Variants in TEX13B observed in about 807,000 individuals in gnomAD.
TEX13B encodes the protein testis expressed 13B, also known as testis-expressed protein 13B.
Under a neutral mutation model 11.2 loss-of-function variants are expected in TEX13B, and 5 were observed. That is an observed-to-expected ratio of 0.44 (90% confidence interval 0.23 to 0.93). The LOEUF (loss-of-function observed/expected upper bound fraction) is 0.93, where lower values mean the gene tolerates loss of function less well. TEX13B is among the 40% of genes least tolerant of loss of function. The probability of loss-of-function intolerance (pLI) is 0.23; values close to 1 mark genes in which losing one functional copy is unlikely to be tolerated. For missense variants in TEX13B, 213 were observed against 244.2 expected (o/e 0.87, Z 0.85); for synonymous variants, 115 against 100.9 (o/e 1.14, Z -0.84).
At chrX:107,981,609 G>A (rs761745351) in intron 2 of TEX13B, 50 bp from the exon 3 acceptor site, 1 of 1,195,873 alleles carries the variant, frequency 8.4e-7, no homozygotes, top group Admixed American at 2.2e-5. Context: ...CAGGGCAGGG[G>A]GTCCGGACAG....
chrX:107,981,437 A>G lies in TEX13B; in HGVS notation c.582T>C (p.Ala194=), dbSNP rs1260363856. The change falls in exon 3 of 3, where the codon GCT becomes GCC. Residue 194 remains alanine (A), a synonymous_variant. Transcript: ENST00000302917. ...QEKEAVAAAG[A]AGGKGEERYA... is the part of the protein sequence containing the mutation. ...ACCTCTCCTCTCCTTTTCCTCCAGC[A>G]GCACCAGCAGCAGCCACCGCCTCCT... The G allele has an allele frequency of 8.3e-7, 1 of 1,211,692 alleles. No individual in the cohort carries two copies. Among genetic ancestry groups the G allele is most frequent in the Non-Finnish European group, 1.1e-6 (1 of 895,495 alleles).
chrX:107,980,958 AGTTC>A lies in TEX13B; in HGVS notation c.*118_*121del, dbSNP rs1481947510. On this transcript the variant is annotated 3_prime_UTR_variant, in exon 3 of 3. Transcript: ENST00000302917. ...ACAGCTTTACACCACGGGCAGTCCC[AGTTC>A]CCTGGCCTGCGATATACTGGAGGTC... 1.9e-6 allele frequency: 2 copies of A among 1,046,815 alleles called. No individual in the cohort carries two copies. The highest frequency in any genetic ancestry group is 1.3e-6 in the Non-Finnish European group (1 of 749,633). The allele number at this position is 1,046,815 out of a possible 1,213,427, so 86.3% of individuals were successfully genotyped here. A position where few individuals can be genotyped will look rare whatever the true frequency, so the allele number is the denominator to read the frequency against.
Position 107,981,750 on chromosome X carries a change from G to A in TEX13B, c.378C>T (p.Thr126=), listed in dbSNP as rs1170448015. 8.3e-7 allele frequency: 1 copy of A among 1,211,735 alleles called. No homozygotes were observed. Among genetic ancestry groups the A allele is most frequent in the East Asian group, 3.0e-5 (1 of 33,845 alleles). ...TGGTCTCGGTTAGCTGCAACTGGAA[G>A]GTCGCCTCATTGCATTCCATCTCCT... ...EQQEMECNEA[T]FQLQLTETSL... The change falls in exon 2 of 3, where the codon ACC becomes ACT. Residue 126 remains threonine (T), a synonymous_variant. Coordinates refer to ENST00000302917, the MANE Select transcript of TEX13B (RefSeq NM_031273.2).
rs1178497919 is a variant in TEX13B, at chrX:107,981,353, C to T, written c.666G>A (p.Arg222=). 1 of 1,211,864 alleles carries T rather than the reference C, an allele frequency of 8.3e-7. No homozygotes were observed. The highest frequency in any genetic ancestry group is 2.2e-5 in the Admixed American group (1 of 46,099). The change falls in exon 3 of 3, where the codon AGG becomes AGA. Residue 222 remains arginine, a synonymous_variant. Transcript: ENST00000302917. ...EVLQGLGGGF[R]QPLGAIVAGK... ...CTGCTACAATAGCTCCGAGGGGCTG[C>T]CTGAAGCCTCCTCCCAGCCCCTGCA... is the stretch of plus-strand genomic sequence containing the variant.
At position 107,982,085 on chromosome X, in the gene TEX13B, C is replaced by G; in HGVS notation, c.43G>C (p.Gly15Arg). 2 of 1,207,942 alleles carry G rather than the reference C, an allele frequency of 1.7e-6. No individual in the cohort carries two copies. The highest frequency in any genetic ancestry group is 5.9e-5 in the East Asian group (2 of 33,771). ...TCGATGATGAAGGCCACCACGTTTC[C>G]GTGCCGGAACCCACTACTGGGGTCC... ...PEDPSSGFRH[G>R]NVVAFIIEKM... Residue 15 changes from glycine (G) to arginine (R), a missense_variant, in exon 2 of 3, where the codon GGA becomes CGA. Coordinates refer to ENST00000302917, the MANE Select transcript of TEX13B (RefSeq NM_031273.2).
At chrX:107,981,647 G>C in intron 2 of TEX13B, 22 bp downstream of exon 2, 1 of 1,190,151 alleles carries the variant, frequency 8.4e-7, no homozygotes, top group Non-Finnish European at 1.1e-6. Context: ...GCATTGGACA[G>C]GGACCATTCG....
intron 2 of TEX13B, 43 bp downstream of exon 2, chrX:107,981,626 G>A: frequency 8.4e-7 from 1 of 1,192,291 alleles, no homozygotes; most frequent in Non-Finnish European, 1.1e-6. Context: ...ACAGGTTGGG[G>A]CAGGGCAGAG....
chrX:107,982,251 C>T lies in TEX13B; in HGVS notation c.-33+59G>A. 3 of 686,320 alleles carry T rather than the reference C, an allele frequency of 4.4e-6. No individual in the cohort carries two copies. The South Asian group carries it at 1.0e-4, about 23-fold the overall frequency. 56.6% of individuals were successfully genotyped at this position (686,320 alleles called of 1,213,427 possible). On this transcript the variant is annotated intron_variant, in intron 1 of 2. Transcript: ENST00000302917. ...CCGCCCTCCCACCTCTGACAAGACC[C>T]TCCTAATGACCCTCTGACCGGCTTG... is the stretch of plus-strand genomic sequence containing the variant.
rs767808939 is a variant in TEX13B, at chrX:107,981,892, G to A, written c.236C>T (p.Ala79Val). ...WGSLALGVRFAHRQGQLQNRR... is the reference protein window; with the variant it reads ...WGSLALGVRFVHRQGQLQNRR... ...GTTTTGTAACTGCCCCTGCCTGTGGGCAAAGCGCACACCCAAGGCCAGGCT... is the reference window on the plus strand; with the variant it reads ...GTTTTGTAACTGCCCCTGCCTGTGGACAAAGCGCACACCCAAGGCCAGGCT... Residue 79 changes from alanine to valine, a missense_variant, in exon 2 of 3, where the codon GCC becomes GTC. Transcript: ENST00000302917. 9 of 1,209,060 alleles carry A rather than the reference G, an allele frequency of 7.4e-6. No individual in the cohort carries two copies. Among genetic ancestry groups the A allele is most frequent in the Non-Finnish European group, 1.0e-5 (9 of 893,262 alleles).
rs147421606 is a variant in TEX13B, at chrX:107,982,061, C to T, written c.67G>A (p.Glu23Lys). 1.4e-4 allele frequency: 172 copies of T among 1,209,746 alleles called. 1 individual carries two copies. The African/African-American group carries it at 2.3e-3, about 16-fold the overall frequency. The change falls in exon 2 of 3, where the codon GAG (glutamate) becomes AAG (lysine). Residue 23 changes from glutamate (E) to lysine (K), a missense_variant. By Grantham distance (56) the Glu-to-Lys change is moderately conservative. Coordinates refer to ENST00000302917, the MANE Select transcript of TEX13B (RefSeq NM_031273.2). ...CCTTTCGTGTGCCTGGCCATTTTCT[C>T]GATGATGAAGGCCACCACGTTTCCG... Reference protein sequence around the residue: ...RHGNVVAFIIEKMARHTKGPE... With the variant: ...RHGNVVAFIIKKMARHTKGPE...
rs763175629 is a variant in TEX13B at position 107,981,904 on chromosome X, C to A, written c.224G>T (p.Gly75Val). The change falls in exon 2 of 3, where the codon GGT (glycine) becomes GTT (valine). Residue 75 changes from glycine (G) to valine (V), a missense_variant. Coordinates refer to ENST00000302917, the MANE Select transcript of TEX13B (RefSeq NM_031273.2). ...CCCCTGCCTGTGGGCAAAGCGCACA[C>A]CCAAGGCCAGGCTGCCCCAGGTGCA... is the stretch of plus-strand genomic sequence containing the variant. ...EACTWGSLAL[G>V]VRFAHRQGQL... The A allele has an allele frequency of 8.3e-7, 1 of 1,209,704 alleles. No individual in the cohort carries two copies. The highest frequency in any genetic ancestry group is 2.2e-5 in the Admixed American group (1 of 46,073).
chrX:107,982,215 A>C, intron 1 of TEX13B, 56 bp from the exon 2 acceptor site: 2 of 919,306 alleles, frequency 2.2e-6, no homozygotes, highest in Non-Finnish European at 2.9e-6. Context: ...CCCTCCCCTC[A>C]TCTGTCTTCT....
Position 107,980,928 on chromosome X carries a change from A to C in TEX13B, c.*152T>G, listed in dbSNP as rs1475995894. 2 of 857,083 alleles carry C rather than the reference A, an allele frequency of 2.3e-6. No homozygotes were observed. The highest frequency in any genetic ancestry group is 6.2e-5 in the East Asian group (2 of 32,194). The allele number at this position is 857,083 out of a possible 1,213,427, so 70.6% of individuals were successfully genotyped here. ...AGGAAGCAATTTTCCCTCCATGAAA[A>C]ATTCACAGCTTTACACCACGGGCAG... On this transcript the variant is annotated 3_prime_UTR_variant, in exon 3 of 3. Transcript: ENST00000302917.
Position 107,982,083 on chromosome X carries a change from T to G in TEX13B, c.45A>C (p.Gly15=). 1 of 1,208,732 alleles carries G rather than the reference T, an allele frequency of 8.3e-7. No individual in the cohort carries two copies. The highest frequency in any genetic ancestry group is 1.1e-6 in the Non-Finnish European group (1 of 893,404). ...PEDPSSGFRH[G]NVVAFIIEKM... ...TCTCGATGATGAAGGCCACCACGTT[T>G]CCGTGCCGGAACCCACTACTGGGGT... Residue 15 remains glycine (G), a synonymous_variant, in exon 2 of 3, where the codon GGA becomes GGC. Coordinates refer to ENST00000302917, the MANE Select transcript of TEX13B (RefSeq NM_031273.2).
Position 107,982,132 on chromosome X carries a change from G to A in TEX13B, c.-5C>T, listed in dbSNP as rs1022277002. 4 of 1,185,590 alleles carry A rather than the reference G, an allele frequency of 3.4e-6. No individual in the cohort carries two copies. The highest frequency in any genetic ancestry group is 4.5e-6 in the Non-Finnish European group (4 of 880,947). ...GTCCTCAGGTCTCAAGGCCATGATCGCCTAGGGGCTTAACGGTTTCACTAG... is the reference window on the plus strand; with the variant it reads ...GTCCTCAGGTCTCAAGGCCATGATCACCTAGGGGCTTAACGGTTTCACTAG... On this transcript the variant is annotated 5_prime_UTR_variant, in exon 2 of 3. Transcript: ENST00000302917.
chrX:107,981,308 C>T lies in TEX13B; in HGVS notation c.711G>A (p.Gly237=), dbSNP rs1309452726. The change falls in exon 3 of 3, where the codon GGG becomes GGA. Residue 237 remains glycine (G), a synonymous_variant. Coordinates refer to ENST00000302917, the MANE Select transcript of TEX13B (RefSeq NM_031273.2). The stretch of plus-strand genomic sequence containing the variant: ...TGACCTGAGATCTTTCTCCCTCTGC[C>T]CCGCAAAGGTGTAATTTGCCTGCTA... The part of the protein sequence containing the change: ...AIVAGKLHLC[G]AEGERSQVST... The T allele has an allele frequency of 1.7e-6, 2 of 1,211,674 alleles. No homozygotes were observed. Among genetic ancestry groups the T allele is most frequent in the Admixed American group, 4.3e-5 (2 of 46,065 alleles).
In TEX13B at chrX:107,981,679, A is replaced by C. The variant is rs781218550; in HGVS notation, c.449T>G (p.Leu150Arg). 1 of 1,195,857 alleles carries C rather than the reference A, an allele frequency of 8.4e-7. No homozygotes were observed. ...QRERDMLRWKLFHAELAPPQG... is the reference protein window; with the variant it reads ...QRERDMLRWKRFHAELAPPQG... ...TTCGGGGGATCTTACGGCATGGAAG[A>C]GCTTCCATCTCAGCATGTCCCGCTC... Residue 150 changes from leucine to arginine, a missense_variant, in exon 2 of 3, where the codon CTC (leucine) becomes CGC (arginine). Coordinates refer to ENST00000302917, the MANE Select transcript of TEX13B (RefSeq NM_031273.2).
chrX:107,982,211 C>T, intron 1 of TEX13B, 52 bp from the exon 2 acceptor site: 2 of 943,783 alleles, frequency 2.1e-6, no homozygotes, highest in Non-Finnish European at 2.8e-6. Context: ...TAGCCCCTCC[C>T]CTCATCTGTC....
In TEX13B at chrX:107,982,075, A is replaced by C. The variant is rs1933772688; in HGVS notation, c.53T>G (p.Val18Gly). The C allele has an allele frequency of 8.3e-7, 1 of 1,209,633 alleles. No homozygotes were observed. The highest frequency in any genetic ancestry group is 1.1e-6 in the Non-Finnish European group (1 of 893,840). Residue 18 changes from valine to glycine, a missense_variant, in exon 2 of 3, where the codon GTG (valine) becomes GGG (glycine). Physicochemically the swap from Val to Gly is moderately radical, Grantham distance 109 (BLOSUM62 -3). Transcript: ENST00000302917. The part of the protein sequence containing the change: ...PSSGFRHGNV[V>G]AFIIEKMARH... ...GGCCATTTTCTCGATGATGAAGGCC[A>C]CCACGTTTCCGTGCCGGAACCCACT...
Sources: gnomAD v4.1 joint callset for allele counts on GRCh38, gnomAD v4.1.1 for gene constraint, MANE v1.5 for transcripts, NCBI Gene and HGNC (gene_info 2026-07-23, HGNC 2026-07-21) for gene names.